Variants in HPSE2 observed in about 807,000 individuals in gnomAD.
The protein encoded by HPSE2 is heparanase 2 (inactive).
HPSE2 carries 38 observed loss-of-function variants against 60.5 expected under a neutral mutation model. The ratio of observed to expected loss-of-function variants is 0.63; its 90% CI spans 0.48 to 0.82. HPSE2 has a LOEUF of 0.82. Among genes scored for constraint, HPSE2 ranks in the 40% least tolerant of loss-of-function variants. The probability of loss-of-function intolerance (pLI) is 0.00; values close to 1 mark genes in which losing one functional copy is unlikely to be tolerated. For missense variants in HPSE2, 713 were observed against 740.4 expected, an observed-to-expected ratio of 0.96 and a Z score of 0.43; for synonymous variants, 295 against 293.2, an observed-to-expected ratio of 1.01 and a Z score of -0.06.
intron 3 of HPSE2, among the ~76,000 whole-genome samples, chr10:98,954,267 A>G (rs1174209700): frequency 6.6e-6 from 1 of 152,094 alleles, no homozygotes; most frequent in African/African-American, 2.4e-5. Flanking sequence ...AGATCGCACC[A>G]CTGTACTCCA....
At chr10:99,168,204 C>A (rs1416082756) in intron 2 of HPSE2, among the ~76,000 whole-genome samples, 1 of 151,768 alleles carries the variant, frequency 6.6e-6, no homozygotes, top group African/African-American at 2.4e-5. Flanking sequence ...ATCTTCCTAT[C>A]CATGATATGA....
intron 3 of HPSE2, among the ~76,000 whole-genome samples, chr10:98,815,417 A>C (rs1951263582): frequency 6.6e-6 from 1 of 152,228 alleles, no homozygotes; most frequent in Admixed American, 6.5e-5. Context: ...GCTGATTCAC[A>C]TGCAAAACAG....
intron 3 of HPSE2, among the ~76,000 whole-genome samples, chr10:99,113,496 A>G (rs1319305806): frequency 6.6e-6 from 1 of 152,196 alleles, no homozygotes; most frequent in Non-Finnish European, 1.5e-5. Context: ...TATATTACAT[A>G]TGCACCTACT....
chr10:99,282,941 T>C, the HPSE2 span, among the ~76,000 whole-genome samples: 1 of 151,970 alleles, frequency 6.6e-6, no homozygotes, highest in Non-Finnish European at 1.5e-5. Context: ...TCCCAGCACT[T>C]TGGGAGGCCA....
At chr10:98,917,998 G>A (rs942776619) in intron 3 of HPSE2, among the ~76,000 whole-genome samples, 2 of 152,130 alleles carry the variant, frequency 1.3e-5, no homozygotes, top group African/African-American at 4.8e-5. Context: ...AGATAACTCA[G>A]GCCGTCAACT....
rs1956592686 is a variant in HPSE2, at chr10:98,994,209, A to G, written c.610+150029T>C. On this transcript the variant is annotated intron_variant, in intron 3 of 11. Coordinates refer to ENST00000370552, the MANE Select transcript of HPSE2 (RefSeq NM_021828.5). ...CCAGCTGTGGGCTTATAACCACAGAAGGTGCACCTCCTTTCAGTTAAGCAG... is the reference window on the plus strand; with the variant it reads ...CCAGCTGTGGGCTTATAACCACAGAGGGTGCACCTCCTTTCAGTTAAGCAG... Among the ~76,000 whole-genome samples the G allele has an allele frequency of 2.6e-5, 4 of 152,228 alleles. No individual in the cohort carries two copies. In the South Asian group the frequency reaches 8.3e-4, roughly 32 times the overall value.
chr10:98,584,252 A>C (rs1361218678), intron 9 of HPSE2, among the ~76,000 whole-genome samples: 1 of 152,152 alleles, frequency 6.6e-6, no homozygotes, highest in Non-Finnish European at 1.5e-5. Flanking sequence ...TCCAAAATCT[A>C]TGTACTTTTG....
At chr10:98,702,345 C>G (rs1187894375) in intron 5 of HPSE2, among the ~76,000 whole-genome samples, 1 of 152,114 alleles carries the variant, frequency 6.6e-6, no homozygotes, top group East Asian at 1.9e-4. Flanking sequence ...GACTTAGACT[C>G]CCACATAATA....
At chr10:98,625,495 G>A (rs1038360000) in intron 7 of HPSE2, among the ~76,000 whole-genome samples, 1 of 152,090 alleles carries the variant, frequency 6.6e-6, no homozygotes, top group South Asian at 2.1e-4. Context: ...GATTTTATGT[G>A]TTATCAAGCT....
intron 3 of HPSE2, among the ~76,000 whole-genome samples, chr10:98,790,391 A>C (rs1023015641): frequency 6.6e-6 from 1 of 152,198 alleles, no homozygotes; most frequent in Admixed American, 6.5e-5. Flanking sequence ...GCCAGGCACA[A>C]AGAGACAAAT....
At chr10:99,181,270 C>T (rs1261315487) in intron 2 of HPSE2, among the ~76,000 whole-genome samples, 2 of 148,616 alleles carry the variant, frequency 1.3e-5, no homozygotes, top group African/African-American at 2.5e-5. Flanking sequence ...TAGTGGCGGG[C>T]GCCTGTAGTC....
At chr10:99,244,387 TATTA>T in the HPSE2 span, among the ~76,000 whole-genome samples, 128 of 131,880 alleles carry the variant, frequency 9.7e-4, no homozygotes, top group Middle Eastern at 4.1e-3. Context: ...TTTCTTTTAT[TATTA>T]TTATTATTAT....
intron 3 of HPSE2, among the ~76,000 whole-genome samples, chr10:99,106,127 C>T (rs1365701401): frequency 6.6e-6 from 1 of 151,950 alleles, no homozygotes; most frequent in African/African-American, 2.4e-5. Context: ...TAGGAGAAAC[C>T]TGTCAATTTC....
At chr10:99,227,017 T>A (rs1849495608) in intron 2 of HPSE2, among the ~76,000 whole-genome samples, 1 of 152,066 alleles carries the variant, frequency 6.6e-6, no homozygotes, top group Admixed American at 6.6e-5. Context: ...AAAACCATTA[T>A]GTGAAATAAA....
At chr10:98,490,259 C>T (rs1941596632) in intron 9 of HPSE2, 63 bp from the exon 10 acceptor site, 3 of 1,353,902 alleles carry the variant, frequency 2.2e-6, no homozygotes, top group Non-Finnish European at 2.0e-6. Flanking sequence ...TCTGAGTAAA[C>T]ATGACACACA....
intron 3 of HPSE2, among the ~76,000 whole-genome samples, chr10:99,055,399 C>T (rs888755716): frequency 5.9e-5 from 9 of 151,768 alleles, no homozygotes; most frequent in African/African-American, 2.2e-4. Flanking sequence ...AGCTTGAGGA[C>T]AAGTCAATAA....
intron 2 of HPSE2, among the ~76,000 whole-genome samples, chr10:99,200,202 A>T (rs911123905): frequency 2.0e-5 from 3 of 152,094 alleles, no homozygotes; most frequent in Non-Finnish European, 4.4e-5. Context: ...TACCACAATT[A>T]AAAAAATCAC....
At chr10:98,690,457 C>T (rs1760131553) in intron 6 of HPSE2, among the ~76,000 whole-genome samples, 2 of 152,172 alleles carry the variant, frequency 1.3e-5, no homozygotes, top group Admixed American at 1.3e-4. Context: ...AGGAGAATGG[C>T]ATGAACTGGG....
intron 3 of HPSE2, among the ~76,000 whole-genome samples, chr10:98,928,850 A>C (rs1404968632): frequency 2.2e-5 from 1 of 45,064 alleles, no homozygotes; most frequent in Non-Finnish European, 3.6e-5. Context: ...GGGTGGGGGG[A>C]GGGGGGAGGG....
Sources: gnomAD v4.1 joint callset for allele counts (sites outside exome capture counted in the v4.1 genomes callset) on GRCh38, gnomAD v4.1.1 for gene constraint, MANE v1.5 for transcripts, NCBI Gene and HGNC (gene_info 2026-07-23, HGNC 2026-07-21) for gene names.